Variants in ST6GALNAC3 observed in about 807,000 individuals in gnomAD.
The protein encoded by ST6GALNAC3 is ST6 N-acetylgalactosaminide alpha-2,6-sialyltransferase 3, also known as alpha-N-acetylgalactosaminide alpha-2,6-sialyltransferase 3.
ST6GALNAC3 carries 25 observed loss-of-function variants against 32.7 expected under a neutral mutation model. The ratio of observed to expected loss-of-function variants is 0.76; its 90% CI spans 0.56 to 1.07. The LOEUF (loss-of-function observed/expected upper bound fraction) is 1.07, where lower values mean the gene tolerates loss of function less well. ST6GALNAC3 is among the 50% of genes least tolerant of loss of function. The pLI is 0.00. For synonymous variants in ST6GALNAC3, 129 were observed against 133.1 expected (o/e 0.97, Z 0.21); for missense variants, 355 against 382.4 (o/e 0.93, Z 0.60).
At position 76,184,519 on chromosome 1, in the gene ST6GALNAC3, GCACACA is replaced by G. The variant is rs71071992; in HGVS notation, c.18+109673_18+109678del. On this transcript the variant is annotated intron_variant, in intron 1 of 4. Coordinates refer to ENST00000328299, the MANE Select transcript of ST6GALNAC3 (RefSeq NM_152996.4). ...GTGCCACTGCATTCCCTCCTGGGCA[GCACACA>G]CACACACACACACACACACACACAC... Among the ~76,000 whole-genome samples the G allele has an allele frequency of 4.7e-3, 630 of 134,146 alleles. 5 individuals carry two copies. Among genetic ancestry groups the G allele is most frequent in the African/African-American group, 0.013 (451 of 34,796 alleles). 88.0% of individuals were successfully genotyped at this position (134,146 alleles called of 152,430 possible).
chr1:76,204,257 A>G (rs919636251), intron 1 of ST6GALNAC3, among the ~76,000 whole-genome samples: 1 of 152,170 alleles, frequency 6.6e-6, no homozygotes, highest in African/African-American at 2.4e-5. Context: ...CATTGTATAT[A>G]TATATCACAC....
At chr1:76,456,833 G>T (rs1657845348) in intron 3 of ST6GALNAC3, among the ~76,000 whole-genome samples, 1 of 152,176 alleles carries the variant, frequency 6.6e-6, no homozygotes, top group African/African-American at 2.4e-5. Flanking sequence ...ATTCAACATA[G>T]TGTTGGATGT....
chr1:76,614,387 G>A (rs940302271), intron 3 of ST6GALNAC3, among the ~76,000 whole-genome samples: 1 of 152,130 alleles, frequency 6.6e-6, no homozygotes, highest in African/African-American at 2.4e-5. Flanking sequence ...ACCCTTTGCT[G>A]CATACCACAT....
chr1:76,450,180 C>T (rs1657290650), intron 3 of ST6GALNAC3, among the ~76,000 whole-genome samples: 1 of 152,260 alleles, frequency 6.6e-6, no homozygotes, highest in South Asian at 2.1e-4. Flanking sequence ...TACTAATTTA[C>T]ATTCCCACCA....
In ST6GALNAC3 at chr1:76,519,871, A is replaced by T. The variant is rs1012224031; in HGVS notation, c.623+107454A>T. On this transcript the variant is annotated intron_variant, in intron 3 of 4. Transcript: ENST00000328299. ...TATCATAAATATTTATGAAAATTTTAAAAAGTGTATAAATATATATAAATA... is the reference window on the plus strand; with the variant it reads ...TATCATAAATATTTATGAAAATTTTTAAAAGTGTATAAATATATATAAATA... 2.1e-5 allele frequency among the ~76,000 whole-genome samples: 3 copies of T among 140,956 alleles called. No homozygotes were observed. The Admixed American group carries it at 2.2e-4, about 10-fold the overall frequency. 92.5% of individuals were successfully genotyped at this position (140,956 alleles called of 152,430 possible).
chr1:76,330,325 G>A (rs931315770), intron 2 of ST6GALNAC3, among the ~76,000 whole-genome samples: 5 of 152,090 alleles, frequency 3.3e-5, no homozygotes, highest in Admixed American at 3.3e-4. Flanking sequence ...GCTAATTTTT[G>A]TATTTTTAAT....
intron 2 of ST6GALNAC3, among the ~76,000 whole-genome samples, chr1:76,322,268 G>A (rs1429719870): frequency 1.3e-5 from 2 of 152,104 alleles, no homozygotes; most frequent in Non-Finnish European, 1.5e-5. Flanking sequence ...TGACTAGTGC[G>A]AAAAGCTTTC....
chr1:76,389,011 C>CT (rs138986165), intron 2 of ST6GALNAC3, among the ~76,000 whole-genome samples: 5 of 107,922 alleles, frequency 4.6e-5, no homozygotes, highest in South Asian at 6.7e-4. Context: ...TGGTATATTT[C>CT]CTTTTTTTTT....
At chr1:76,139,772 G>C (rs76251884) in intron 1 of ST6GALNAC3, among the ~76,000 whole-genome samples, 3,406 of 152,280 alleles carry the variant, frequency 0.022, 67 homozygotes, top group Admixed American at 0.076. Context: ...AATCAGCCGG[G>C]CAAGTCACTT....
At chr1:76,309,874 T>C in intron 1 of ST6GALNAC3, 1 of 445,964 alleles carries the variant, frequency 2.2e-6, no homozygotes, top group South Asian at 1.6e-5. Flanking sequence ...TGATAGAACA[T>C]GAGAGGCAGA....
At chr1:76,504,448 G>T (rs1221086088) in intron 3 of ST6GALNAC3, among the ~76,000 whole-genome samples, 3 of 151,986 alleles carry the variant, frequency 2.0e-5, no homozygotes, top group Non-Finnish European at 2.9e-5. Context: ...ACATAGTTTT[G>T]GGGAGCCACC....
intron 3 of ST6GALNAC3, among the ~76,000 whole-genome samples, chr1:76,457,087 T>A (rs1388565543): frequency 2.6e-5 from 4 of 151,818 alleles, no homozygotes; most frequent in Admixed American, 1.3e-4. Context: ...AAATCATGAG[T>A]GAACTCCCAT....
rs183383626 is a variant in ST6GALNAC3, at chr1:76,355,561, G to C, written c.213+41562G>C. ...TATGCTGGAACAATTATAAAAAGTA[G>C]CATCTGTAATGTGAATTTGGCCCAC... On this transcript the variant is annotated intron_variant, in intron 2 of 4. Coordinates refer to ENST00000328299, the MANE Select transcript of ST6GALNAC3 (RefSeq NM_152996.4). Among the ~76,000 whole-genome samples, 587 of 152,230 alleles carry C rather than the reference G, an allele frequency of 3.9e-3. 3 individuals carry two copies. The highest frequency in any genetic ancestry group is 0.01 in the Middle Eastern group (3 of 294).
chr1:76,374,039 C>G (rs1001195353), intron 2 of ST6GALNAC3, among the ~76,000 whole-genome samples: 1 of 152,126 alleles, frequency 6.6e-6, no homozygotes, highest in African/African-American at 2.4e-5. Flanking sequence ...GTTTATGCAG[C>G]CTATACTTTG....
At chr1:76,483,319 G>A (rs1000274894) in intron 3 of ST6GALNAC3, among the ~76,000 whole-genome samples, 1 of 152,154 alleles carries the variant, frequency 6.6e-6, no homozygotes, top group Non-Finnish European at 1.5e-5. Flanking sequence ...CACAATGGTT[G>A]AACTAGTTTA....
intron 3 of ST6GALNAC3, among the ~76,000 whole-genome samples, chr1:76,492,034 T>G (rs1660533820): frequency 6.6e-6 from 1 of 152,220 alleles, no homozygotes; most frequent in African/African-American, 2.4e-5. Flanking sequence ...ACAACTGTCC[T>G]GTGGCATCAG....
intron 3 of ST6GALNAC3, among the ~76,000 whole-genome samples, chr1:76,594,693 C>G (rs1647104553): frequency 6.6e-6 from 1 of 152,146 alleles, no homozygotes; most frequent in Non-Finnish European, 1.5e-5. Flanking sequence ...CCTTTGGGCT[C>G]TTTAACCTCT....
At chr1:76,500,071 A>G (rs565780526) in intron 3 of ST6GALNAC3, among the ~76,000 whole-genome samples, 2 of 152,258 alleles carry the variant, frequency 1.3e-5, no homozygotes, top group East Asian at 1.9e-4. Context: ...TTAAATATAC[A>G]TGCTTTTAGA....
chr1:76,419,390 A>AGT (rs1654873112), intron 3 of ST6GALNAC3, among the ~76,000 whole-genome samples: 1 of 152,170 alleles, frequency 6.6e-6, no homozygotes, highest in African/African-American at 2.4e-5. Context: ...CAAAGGCAAA[A>AGT]GTAGGCCTTA....
Sources: allele counts gnomAD v4.1 joint callset (sites outside exome capture counted in the v4.1 genomes callset), GRCh38; gene constraint gnomAD v4.1.1; transcripts MANE v1.5; gene names NCBI Gene and HGNC (gene_info 2026-07-23, HGNC 2026-07-21).